INTS7: variants seen among roughly 807,000 people sequenced by gnomAD.
The protein encoded by INTS7 is chromosome 1 open reading frame 73.
In INTS7, 46 loss-of-function variants were observed where a neutral mutation model predicts 109.2. The observed-to-expected ratio is 0.42, with a 90% CI of 0.33 to 0.54. The LOEUF (loss-of-function observed/expected upper bound fraction) is 0.54. Ranked by LOEUF, INTS7 falls within the 20% of genes least tolerant of loss-of-function variation. The pLI is 0.07. For synonymous variants in INTS7, 412 were observed against 402.9 expected (o/e 1.02, Z -0.27); for missense variants, 929 against 1,132.4 (o/e 0.82, Z 2.58).
At chr1:211,979,930 T>C (rs1664581266) in intron 10 of INTS7, among the ~76,000 whole-genome samples, 1 of 152,206 alleles carries the variant, frequency 6.6e-6, no homozygotes, top group Non-Finnish European at 1.5e-5. Context: ...GAATGTATTG[T>C]GTTCCGCTTG....
intron 1 of INTS7, among the ~76,000 whole-genome samples, chr1:212,023,215 T>C (rs1349090298): frequency 6.6e-6 from 1 of 152,134 alleles, no homozygotes; most frequent in African/African-American, 2.4e-5. Flanking sequence ...GATAAACATA[T>C]GAGTACATGT....
chr1:211,987,320 A>AC (rs970273249), intron 8 of INTS7, among the ~76,000 whole-genome samples: 2 of 151,920 alleles, frequency 1.3e-5, no homozygotes, highest in East Asian at 1.9e-4. Context: ...AACAACAACA[A>AC]AAAAAAACCC....
chr1:211,989,490 A>C (rs1299402937), intron 7 of INTS7, among the ~76,000 whole-genome samples: 2 of 152,130 alleles, frequency 1.3e-5, no homozygotes, highest in Non-Finnish European at 2.9e-5. Context: ...ACATATTCAC[A>C]TCATATAACA....
At chr1:211,968,472 C>T (rs752273102) in intron 14 of INTS7, 41 bp downstream of exon 14, 1 of 1,545,634 alleles carries the variant, frequency 6.5e-7, no homozygotes, top group Non-Finnish European at 8.9e-7. Context: ...TCGAAAACCT[C>T]TAAAGTGTAA....
chr1:211,956,034 T>G (rs1663345277), intron 16 of INTS7, among the ~76,000 whole-genome samples: 1 of 152,256 alleles, frequency 6.6e-6, no homozygotes, highest in Non-Finnish European at 1.5e-5. Flanking sequence ...TACATAAGAT[T>G]TGTTTCCTGA....
chr1:212,010,596 G>A (rs1013528636), intron 5 of INTS7, among the ~76,000 whole-genome samples: 5 of 152,096 alleles, frequency 3.3e-5, no homozygotes, highest in Non-Finnish European at 5.9e-5. Context: ...GACAGACGGT[G>A]GTCCCATACG....
At chr1:211,966,764 C>G (rs908756279) in intron 15 of INTS7, among the ~76,000 whole-genome samples, 2 of 152,036 alleles carry the variant, frequency 1.3e-5, no homozygotes, top group Non-Finnish European at 2.9e-5. Context: ...CCCCGTGATT[C>G]AATTACAGCA....
rs1662579164 is a variant in INTS7, at chr1:211,940,441, G to C, written c.*1383C>G. 1.3e-5 allele frequency: 2 copies of C among 152,124 alleles called. No homozygotes were observed. The highest frequency in any genetic ancestry group is 2.9e-5 in the Non-Finnish European group (2 of 68,024). 9.4% of individuals were successfully genotyped at this position (152,124 alleles called of 1,614,324 possible). ...ATATTTATTTAAAAAGGAAATTCCAGGGAAAGTACCCTGCTTTACCTTAGG... is the reference window on the plus strand; with the variant it reads ...ATATTTATTTAAAAAGGAAATTCCACGGAAAGTACCCTGCTTTACCTTAGG... On this transcript the variant is annotated 3_prime_UTR_variant, in exon 20 of 20. Transcript: ENST00000366994.
In INTS7 at chr1:212,021,051, C is replaced by CT. The variant is rs749715447; in HGVS notation, c.224+31dup. 22 of 1,576,986 alleles carry CT rather than the reference C, an allele frequency of 1.4e-5. No homozygotes were observed. The African/African-American group carries it at 2.3e-4, about 17-fold the overall frequency. ...TAAAACAAGAAATATGAACAAAGTA[C>CT]TTTAGGACATCGAGAATTTAAAAAG... On this transcript the variant is annotated intron_variant, in intron 2 of 19. Transcript: ENST00000366994.
chr1:212,019,633 A>C (rs1666605948), intron 3 of INTS7, among the ~76,000 whole-genome samples: 1 of 152,226 alleles, frequency 6.6e-6, no homozygotes, highest in South Asian at 2.1e-4. Flanking sequence ...ATGAAATTCT[A>C]ACAAATAAAT....
At chr1:212,022,931 G>A (rs1666771493) in intron 1 of INTS7, among the ~76,000 whole-genome samples, 1 of 152,018 alleles carries the variant, frequency 6.6e-6, no homozygotes. Flanking sequence ...AGTCCCCAGT[G>A]TCTACTGTTC....
At chr1:212,014,741 C>T (rs969133751) in intron 4 of INTS7, among the ~76,000 whole-genome samples, 3 of 152,188 alleles carry the variant, frequency 2.0e-5, no homozygotes, top group Admixed American at 6.5e-5. Flanking sequence ...GACGGGGTTT[C>T]GCCGTGTTGG....
At chr1:212,022,975 C>T (rs578130143) in intron 1 of INTS7, among the ~76,000 whole-genome samples, 1 of 152,190 alleles carries the variant, frequency 6.6e-6, no homozygotes, top group Non-Finnish European at 1.5e-5. Flanking sequence ...CAATGCTTAG[C>T]TCCCACTTAT....
rs765014495 is a variant in INTS7 at position 211,942,133 on chromosome 1, C to A, written c.2602-22G>T. On this transcript the variant is annotated intron_variant, in intron 19 of 19. Transcript: ENST00000366994. This position sits in a 1 kb window ranked among gnomAD's most constrained non-coding sequence, Gnocchi z 4.2. ...GTATCTGCAATGAAACAATTGTTAA[C>A]TAACAACAATGGCTAACATTTCTTC... 6.2e-7 allele frequency: 1 copy of A among 1,607,258 alleles called. No individual in the cohort carries two copies. Among genetic ancestry groups the A allele is most frequent in the African/African-American group, 1.3e-5 (1 of 74,822 alleles).
intron 7 of INTS7, among the ~76,000 whole-genome samples, chr1:212,004,984 C>T (rs975593520): frequency 4.6e-5 from 7 of 152,192 alleles, no homozygotes; most frequent in Non-Finnish European, 1.0e-4. Context: ...TTGACATCAT[C>T]TGTTAAAACT....
At chr1:211,948,593 C>T (rs1662944517) in intron 17 of INTS7, among the ~76,000 whole-genome samples, 1 of 152,172 alleles carries the variant, frequency 6.6e-6, no homozygotes, top group Non-Finnish European at 1.5e-5. Context: ...GGTCAACAGC[C>T]CCTTGGGTAT....
intron 1 of INTS7, among the ~76,000 whole-genome samples, chr1:212,024,085 T>C (rs1039639262): frequency 1.3e-5 from 2 of 152,246 alleles, no homozygotes; most frequent in African/African-American, 2.4e-5. Flanking sequence ...TGTGTACCAG[T>C]ACCATGCTGT....
intron 1 of INTS7, among the ~76,000 whole-genome samples, chr1:212,022,039 C>A (rs1262123705): frequency 6.6e-6 from 1 of 152,116 alleles, no homozygotes; most frequent in Non-Finnish European, 1.5e-5. Flanking sequence ...TGATCTAACA[C>A]AGGTACCAAC....
intron 4 of INTS7, among the ~76,000 whole-genome samples, chr1:212,014,096 T>G (rs1325489905): frequency 6.6e-6 from 1 of 152,212 alleles, no homozygotes; most frequent in African/African-American, 2.4e-5. Flanking sequence ...TTTTGATCTG[T>G]GAAATTAAAA....
Sources: gnomAD v4.1 joint callset for allele counts (sites outside exome capture counted in the v4.1 genomes callset) on GRCh38, gnomAD v4.1.1 for gene constraint, Gnocchi (gnomAD v3.1) non-coding constraint, MANE v1.5 for transcripts, NCBI Gene and HGNC (gene_info 2026-07-23, HGNC 2026-07-21) for gene names.